The following GPHN variants were observed in gnomAD, a reference collection of about 807,000 sequenced individuals.
GPHN encodes gephyrin.
GPHN carries 17 observed loss-of-function variants against 95.5 expected under a neutral mutation model. The ratio of observed to expected loss-of-function variants is 0.18; its 90% CI spans 0.12 to 0.27. GPHN has a LOEUF of 0.27. GPHN is among the 10% of genes least tolerant of loss of function. The pLI, the probability that GPHN is intolerant of heterozygous loss-of-function variation, is 1.00. For missense variants in GPHN, 660 were observed against 978.1 expected, an observed-to-expected ratio of 0.67 and a Z score of 4.34; for synonymous variants, 320 against 322.5, an observed-to-expected ratio of 0.99 and a Z score of 0.08.
chr14:67,478,269 A>G, the GPHN span, among the ~76,000 whole-genome samples: 1 of 152,146 alleles, frequency 6.6e-6, no homozygotes, highest in African/African-American at 2.4e-5. Context: ...GTGGTTCAAG[A>G]CCCTGGCTAA....
chr14:67,100,986 C>G (rs976059707), intron 13 of GPHN, 75 bp downstream of exon 13: 144 of 874,552 alleles, frequency 1.6e-4, no homozygotes, highest in Admixed American at 2.6e-4. Flanking sequence ...TAAATTTCTC[C>G]TATCAGTTTA....
At chr14:67,001,414 T>G (rs1453896336) in intron 9 of GPHN, among the ~76,000 whole-genome samples, 1 of 151,662 alleles carries the variant, frequency 6.6e-6, no homozygotes, top group Non-Finnish European at 1.5e-5. Flanking sequence ...AAATGACAGC[T>G]CACCTGCATT....
the GPHN span, among the ~76,000 whole-genome samples, chr14:67,439,293 C>A: frequency 6.6e-6 from 1 of 152,296 alleles, no homozygotes; most frequent in South Asian, 2.1e-4. Context: ...CAGGAATGGG[C>A]TCATTTTCCT....
intron 3 of GPHN, among the ~76,000 whole-genome samples, chr14:66,786,713 ACTT>A (rs2059789384): frequency 6.6e-6 from 1 of 152,126 alleles, no homozygotes; most frequent in African/African-American, 2.4e-5. Context: ...ACAGAAAACT[ACTT>A]CAGTAGTAGA....
intron 1 of GPHN, among the ~76,000 whole-genome samples, chr14:66,603,045 G>A (rs2062334066): frequency 6.6e-6 from 1 of 151,768 alleles, no homozygotes; most frequent in Non-Finnish European, 1.5e-5. Flanking sequence ...TAAGATAGGT[G>A]TCACTGAGAA....
At chr14:67,045,424 T>C (rs1166594575) in intron 10 of GPHN, among the ~76,000 whole-genome samples, 3 of 149,952 alleles carry the variant, frequency 2.0e-5, no homozygotes, top group Non-Finnish European at 4.4e-5. Flanking sequence ...CTCTCTCTTG[T>C]CTTTCTGTCT....
At chr14:66,594,633 G>A (rs901393413) in intron 1 of GPHN, among the ~76,000 whole-genome samples, 1 of 152,126 alleles carries the variant, frequency 6.6e-6, no homozygotes, top group Non-Finnish European at 1.5e-5. Flanking sequence ...AATAATATTA[G>A]ACTCCCATCT....
chr14:67,178,823 G>T (rs926005754), intron 21 of GPHN, among the ~76,000 whole-genome samples: 1 of 151,996 alleles, frequency 6.6e-6, no homozygotes, highest in Admixed American at 6.6e-5. Flanking sequence ...CAAAAGAAAA[G>T]CATCAAGTCA....
intron 3 of GPHN, among the ~76,000 whole-genome samples, chr14:66,813,215 A>G (rs1312518798): frequency 1.3e-5 from 2 of 152,200 alleles, no homozygotes; most frequent in South Asian, 2.1e-4. Flanking sequence ...TAATTATTTT[A>G]TAGTTGAATT....
chr14:66,793,698 G>A (rs2060056084), intron 3 of GPHN, among the ~76,000 whole-genome samples: 2 of 151,910 alleles, frequency 1.3e-5, no homozygotes, highest in South Asian at 4.1e-4. Context: ...GAACTATTTA[G>A]GAGTAACATT....
intron 4 of GPHN, among the ~76,000 whole-genome samples, chr14:66,874,815 C>A (rs1277624820): frequency 6.6e-6 from 1 of 152,084 alleles, no homozygotes; most frequent in African/African-American, 2.4e-5. Context: ...GAGAACAGAA[C>A]CAAGTTGGAA....
At chr14:67,248,686 G>A in the GPHN span, among the ~76,000 whole-genome samples, 1 of 152,158 alleles carries the variant, frequency 6.6e-6, no homozygotes, top group East Asian at 1.9e-4. Context: ...TATTGTCTCT[G>A]TTGCAAGTAC....
At chr14:67,388,427 G>C in the GPHN span, 2 of 687,324 alleles carry the variant, frequency 2.9e-6, no homozygotes, top group Non-Finnish European at 5.3e-6. Flanking sequence ...AGATGAAGCT[G>C]AACTTGGACA....
the GPHN span, among the ~76,000 whole-genome samples, chr14:67,416,116 G>A: frequency 6.6e-6 from 1 of 152,240 alleles, no homozygotes; most frequent in Non-Finnish European, 1.5e-5. Flanking sequence ...TCCCGCACAT[G>A]TACCTTGAAA....
intron 5 of GPHN, among the ~76,000 whole-genome samples, chr14:66,913,407 T>C (rs577002165): frequency 6.6e-6 from 1 of 152,322 alleles, no homozygotes; most frequent in South Asian, 2.1e-4. Context: ...AATGGCACAA[T>C]CTCTGCTCAT....
At chr14:67,002,309 CTTTTTTT>C (rs1177817698) in intron 9 of GPHN, among the ~76,000 whole-genome samples, 47 of 58,758 alleles carry the variant, frequency 8.0e-4, no homozygotes, top group Admixed American at 1.0e-3. Context: ...CTTTGTGTTG[CTTTTTTT>C]TTTTTTTTTT....
At chr14:66,836,078 A>G (rs2061793481) in intron 4 of GPHN, among the ~76,000 whole-genome samples, 1 of 134,466 alleles carries the variant, frequency 7.4e-6, no homozygotes, top group South Asian at 2.6e-4. Context: ...TCTTCACAGA[A>G]TTGGAAAAAA....
At chr14:67,323,141 T>TA in the GPHN span, among the ~76,000 whole-genome samples, 1 of 151,972 alleles carries the variant, frequency 6.6e-6, no homozygotes, top group African/African-American at 2.4e-5. Context: ...ATCATTCACT[T>TA]ACATTTCATT....
intron 9 of GPHN, among the ~76,000 whole-genome samples, chr14:66,974,047 AC>A (rs1334857453): frequency 6.6e-6 from 1 of 152,146 alleles, no homozygotes; most frequent in Non-Finnish European, 1.5e-5. Context: ...CATTTAAGTA[AC>A]TGATTTCTGC....
Sources: allele counts gnomAD v4.1 joint callset (sites outside exome capture counted in the v4.1 genomes callset), GRCh38; gene constraint gnomAD v4.1.1; transcripts MANE v1.5; gene names NCBI Gene and HGNC (gene_info 2026-07-23, HGNC 2026-07-21).